Variants in LAP3 observed in about 807,000 individuals in gnomAD.
LAP3 encodes cytosol aminopeptidase.
A neutral mutation model predicts 58.8 loss-of-function variants in LAP3; 46 were observed. The ratio of observed to expected loss-of-function variants is 0.78; its 90% CI spans 0.62 to 1.00. LAP3 has a LOEUF of 1.00. LAP3 is among the 50% of genes least tolerant of loss of function. The probability of loss-of-function intolerance (pLI) is 0.00; values close to 1 mark genes in which losing one functional copy is unlikely to be tolerated. For synonymous variants in LAP3, 257 were observed against 237.7 expected (o/e 1.08, Z -0.75); for missense variants, 615 against 659.1 (o/e 0.93, Z 0.73).
chr4:17,591,509 T>G (rs1713689504), intron 7 of LAP3, among the ~76,000 whole-genome samples: 1 of 152,178 alleles, frequency 6.6e-6, no homozygotes, highest in African/African-American at 2.4e-5. Context: ...ATTGTTAATT[T>G]AAGTCCACAT....
chr4:17,577,238 A>ATGCGGGCGCACACGAT lies in LAP3; in HGVS notation c.-217_-216insACGATTGCGGGCGCAC. The ATGCGGGCGCACACGAT allele has an allele frequency of 2.7e-6, 1 of 365,414 alleles. No homozygotes were observed. Among genetic ancestry groups the ATGCGGGCGCACACGAT allele is most frequent in the Non-Finnish European group, 4.8e-6 (1 of 209,974 alleles). The allele number at this position is 365,414 out of a possible 1,614,324, so 22.6% of individuals were successfully genotyped here. Reference sequence around the variant, plus strand: ...CGCACACGAATGCGGGCGCACACGAATGCGGGCGCACCCTTGAGTCCCCTC... The same window carrying ATGCGGGCGCACACGAT: ...CGCACACGAATGCGGGCGCACACGAATGCGGGCGCACACGATTGCGGGCGCACCCTTGAGTCCCCTC... On this transcript the variant is annotated 5_prime_UTR_variant, in exon 1 of 13. The change creates a premature stop within an existing upstream ORF in the 5' untranslated region. Coordinates refer to ENST00000226299, the MANE Select transcript of LAP3 (RefSeq NM_015907.3).
chr4:17,577,221 A>AATGCGGGCGCACACGT lies in LAP3; in HGVS notation c.-230_-229insTATGCGGGCGCACACG. On this transcript the variant is annotated 5_prime_UTR_variant, in exon 1 of 13. It adds an upstream start codon to the 5' untranslated region. Transcript: ENST00000226299. The stretch of plus-strand genomic sequence containing the variant: ...GCGCACACGAATGCGGGCGCACACG[A>AATGCGGGCGCACACGT]ATGCGGGCGCACACGAATGCGGGCG... 1 of 357,740 alleles carries AATGCGGGCGCACACGT rather than the reference A, an allele frequency of 2.8e-6. No homozygotes were observed. Among genetic ancestry groups the AATGCGGGCGCACACGT allele is most frequent in the Non-Finnish European group, 5.0e-6 (1 of 200,032 alleles). 22.2% of individuals were successfully genotyped at this position (357,740 alleles called of 1,614,324 possible).
chr4:17,584,883 T>C (rs1713461002), intron 5 of LAP3, 89 bp from the exon 6 acceptor site: 2 of 1,308,000 alleles, frequency 1.5e-6, no homozygotes, highest in African/African-American at 3.0e-5. Context: ...CCTCTTTTGT[T>C]TTCTGTAAGG....
chr4:17,595,026 C>T (rs756132472), intron 7 of LAP3, among the ~76,000 whole-genome samples: 3 of 151,816 alleles, frequency 2.0e-5, no homozygotes, highest in Admixed American at 6.5e-5. Context: ...AGGCTGGGCG[C>T]GATGGCTAAT....
intron 4 of LAP3, among the ~76,000 whole-genome samples, chr4:17,583,028 T>C (rs559051150): frequency 1.3e-5 from 2 of 152,272 alleles, no homozygotes; most frequent in East Asian, 1.9e-4. Flanking sequence ...TTAATAACTT[T>C]TGAGAGTTTT....
At chr4:17,603,491 CTACAGCAAGA>C (rs1365439506) in intron 10 of LAP3, among the ~76,000 whole-genome samples, 1 of 146,324 alleles carries the variant, frequency 6.8e-6, no homozygotes, top group African/African-American at 2.5e-5. Flanking sequence ...GACCCCATCT[CTACAGCAAGA>C]AATCTTTTTT....
chr4:17,604,050 A>G (rs1405886036), intron 10 of LAP3, among the ~76,000 whole-genome samples: 2 of 150,868 alleles, frequency 1.3e-5, no homozygotes, highest in Non-Finnish European at 3.0e-5. Context: ...CGAACTCCTG[A>G]CCTCAGGTGA....
intron 2 of LAP3, among the ~76,000 whole-genome samples, chr4:17,580,514 T>C (rs1384305599): frequency 6.6e-6 from 1 of 152,016 alleles, no homozygotes; most frequent in Non-Finnish European, 1.5e-5. Context: ...TGATCCAGAA[T>C]AATCTGGAAA....
chr4:17,579,279 G>C (rs953273982), intron 1 of LAP3, among the ~76,000 whole-genome samples: 3 of 152,178 alleles, frequency 2.0e-5, no homozygotes, highest in Non-Finnish European at 2.9e-5. Flanking sequence ...GTCCATTTTG[G>C]TGTTGACTTC....
rs1713413254 is a variant in LAP3 at position 17,583,323 on chromosome 4, A to G, written c.380-160A>G. On this transcript the variant is annotated intron_variant, in intron 4 of 12. Coordinates refer to ENST00000226299, the MANE Select transcript of LAP3 (RefSeq NM_015907.3). ...TGCTGTAAAATGCACTCACGTCTTCATTTTACAGAAGAGGAAATGAGGCTC... is the reference window on the plus strand; with the variant it reads ...TGCTGTAAAATGCACTCACGTCTTCGTTTTACAGAAGAGGAAATGAGGCTC... The G allele has an allele frequency of 1.3e-5, 10 of 772,256 alleles. No individual in the cohort carries two copies. In the East Asian group the frequency reaches 2.5e-4, roughly 19 times the overall value. 47.8% of individuals were successfully genotyped at this position (772,256 alleles called of 1,614,324 possible).
In LAP3 at chr4:17,593,609, G is replaced by GTTTTTTTTTTTT. The variant is rs55676326; in HGVS notation, c.864-1792_864-1781dup. 3.2e-3 allele frequency among the ~76,000 whole-genome samples: 280 copies of GTTTTTTTTTTTT among 87,592 alleles called. 47 individuals are homozygous for GTTTTTTTTTTTT. Among genetic ancestry groups the GTTTTTTTTTTTT allele is most frequent in the African/African-American group, 0.011 (242 of 21,412 alleles). 57.5% of individuals were successfully genotyped at this position (87,592 alleles called of 152,430 possible). A position where few individuals can be genotyped will look rare whatever the true frequency, so the allele number is the denominator to read the frequency against. ...CATATACATTTTAGAATCTGCTTGG[G>GTTTTTTTTTTTT]TTTTTTTTTTTTTTTTTTTTGAGAC... On this transcript the variant is annotated intron_variant, in intron 7 of 12. Coordinates refer to ENST00000226299, the MANE Select transcript of LAP3 (RefSeq NM_015907.3).
intron 7 of LAP3, 70 bp from the exon 8 acceptor site, chr4:17,595,340 A>G: frequency 6.3e-7 from 1 of 1,576,794 alleles, no homozygotes. Flanking sequence ...GCCCATCTGT[A>G]CTTTTTAAAT....
chr4:17,579,738 G>T (rs1235156984), intron 1 of LAP3, 86 bp from the exon 2 acceptor site: 4 of 674,490 alleles, frequency 5.9e-6, no homozygotes, highest in Non-Finnish European at 1.0e-5. Context: ...GGAATTATTT[G>T]TTCCTTCTGG....
intron 6 of LAP3, chr4:17,586,251 C>A (rs868516850): frequency 6.6e-6 from 1 of 152,158 alleles, no homozygotes; most frequent in African/African-American, 2.4e-5. Flanking sequence ...ATTTGTTTGA[C>A]CTAAAGAATT....
At chr4:17,604,992 A>C (rs1714083517) in intron 11 of LAP3, among the ~76,000 whole-genome samples, 1 of 152,082 alleles carries the variant, frequency 6.6e-6, no homozygotes, top group Non-Finnish European at 1.5e-5. Flanking sequence ...AGCGTTTGTG[A>C]CTGCGTGTCG....
intron 7 of LAP3, among the ~76,000 whole-genome samples, chr4:17,593,609 G>GTTTTTTTTTTTTTTTTTTTTTTTTT (rs55676326): frequency 1.1e-5 from 1 of 87,608 alleles, no homozygotes; most frequent in African/African-American, 4.7e-5. Context: ...ATCTGCTTGG[G>GTTTTTTTTTTTTTTTTTTTTTTTTT]TTTTTTTTTT....
At chr4:17,604,013 G>A (rs1714051516) in intron 10 of LAP3, among the ~76,000 whole-genome samples, 1 of 151,744 alleles carries the variant, frequency 6.6e-6, no homozygotes, top group Admixed American at 6.6e-5. Context: ...TAGAGACGGG[G>A]TTTCTACATG....
At position 17,591,298 on chromosome 4, in the gene LAP3, G is replaced by A. The variant is rs540480038; in HGVS notation, c.863+2321G>A. Among the ~76,000 whole-genome samples the A allele has an allele frequency of 1.1e-3, 169 of 151,606 alleles. 1 individual carries two copies. Among genetic ancestry groups the A allele is most frequent in the African/African-American group, 3.6e-3 (148 of 41,350 alleles). Reference sequence around the variant, plus strand: ...TGGGATTACAGGTGTCTGCCACCACGCCTGGCTAATTTTTTTCTATTTTTG... The same window carrying A: ...TGGGATTACAGGTGTCTGCCACCACACCTGGCTAATTTTTTTCTATTTTTG... On this transcript the variant is annotated intron_variant, in intron 7 of 12. Coordinates refer to ENST00000226299, the MANE Select transcript of LAP3 (RefSeq NM_015907.3).
intron 6 of LAP3, chr4:17,587,502 T>C (rs1489804555): frequency 2.6e-5 from 4 of 151,768 alleles, no homozygotes; most frequent in Non-Finnish European, 4.4e-5. Flanking sequence ...CCCTTTGAAG[T>C]GTGCTGGTCA....
Sources: allele counts gnomAD v4.1 joint callset (sites outside exome capture counted in the v4.1 genomes callset), GRCh38; gene constraint gnomAD v4.1.1; transcripts MANE v1.5; gene names NCBI Gene and HGNC (gene_info 2026-07-23, HGNC 2026-07-21).